The following SNAPC3 variants were observed in gnomAD, a reference collection of about 807,000 sequenced individuals.
SNAPC3 encodes the protein small nuclear RNA activating complex polypeptide 3, also known as snRNA-activating protein complex subunit 3.
Under a neutral mutation model 47.7 loss-of-function variants are expected in SNAPC3, and 56 were observed. The observed-to-expected ratio is 1.18, with a 90% CI of 0.95 to 1.47. The LOEUF is 1.47. Among genes scored for constraint, SNAPC3 ranks in the 40% most tolerant of loss-of-function variants. The pLI, the probability that SNAPC3 is intolerant of heterozygous loss-of-function variation, is 0.00. For missense variants in SNAPC3, 665 were observed against 511.3 expected, an observed-to-expected ratio of 1.30 and a Z score of -2.90; for synonymous variants, 235 against 189.9, an observed-to-expected ratio of 1.24 and a Z score of -1.95.
chr9:15,447,329 G>A, intron 5 of SNAPC3, 85 bp downstream of exon 5: 1 of 1,231,322 alleles, frequency 8.1e-7, no homozygotes, highest in Non-Finnish European at 1.2e-6. Context: ...AAATGTCCCA[G>A]TAAATCCTTT....
chr9:15,436,708 A>T (rs773722274), intron 3 of SNAPC3, among the ~76,000 whole-genome samples: 3 of 152,124 alleles, frequency 2.0e-5, no homozygotes, highest in Non-Finnish European at 4.4e-5. Flanking sequence ...TAGGGATTGC[A>T]TTGAACCTGT....
intron 3 of SNAPC3, among the ~76,000 whole-genome samples, chr9:15,435,230 T>C (rs2032646177): frequency 6.6e-6 from 1 of 152,234 alleles, no homozygotes; most frequent in African/African-American, 2.4e-5. Context: ...AAAGATCTAT[T>C]AAAATATTTT....
intron 4 of SNAPC3, among the ~76,000 whole-genome samples, chr9:15,445,933 C>T (rs557093720): frequency 2.5e-3 from 373 of 152,242 alleles, no homozygotes; most frequent in African/African-American, 8.8e-3. Context: ...GAGACTGTCC[C>T]TCACCGCCAC....
chr9:15,456,783 T>C (rs565351290), intron 7 of SNAPC3, among the ~76,000 whole-genome samples: 7 of 152,188 alleles, frequency 4.6e-5, no homozygotes, highest in Non-Finnish European at 1.0e-4. Flanking sequence ...TTTTTTTAAA[T>C]GGTTTACATT....
At chr9:15,447,429 T>G (rs2034029199) in intron 5 of SNAPC3, among the ~76,000 whole-genome samples, 185 bp downstream of exon 5, 1 of 152,220 alleles carries the variant, frequency 6.6e-6, no homozygotes. Flanking sequence ...AGACTCTGTT[T>G]TGATTTCTTC....
chr9:15,429,800 A>G (rs966082794), intron 2 of SNAPC3, among the ~76,000 whole-genome samples: 17 of 152,244 alleles, frequency 1.1e-4, no homozygotes, highest in African/African-American at 4.1e-4. Context: ...CTATTAAAAA[A>G]GGATTTTCAA....
chr9:15,433,250 CCTGGATAGGAAT>C (rs1236764632), intron 2 of SNAPC3, among the ~76,000 whole-genome samples: 1 of 150,244 alleles, frequency 6.7e-6, no homozygotes, highest in Admixed American at 6.6e-5. Flanking sequence ...CATGTGGGAT[CCTGGATAGGAAT>C]CTGGAACAGA....
chr9:15,424,297 A>G (rs946363672), intron 2 of SNAPC3, among the ~76,000 whole-genome samples: 1 of 152,226 alleles, frequency 6.6e-6, no homozygotes, highest in Non-Finnish European at 1.5e-5. Context: ...AAAACCGTAA[A>G]TACATAATCT....
In SNAPC3 at chr9:15,441,184, C is replaced by T. The variant is rs563261397; in HGVS notation, c.478-3418C>T. Among the ~76,000 whole-genome samples the T allele has an allele frequency of 6.6e-3, 193 of 29,054 alleles. 1 individual carries two copies. Among genetic ancestry groups the T allele is most frequent in the African/African-American group, 0.036 (155 of 4,302 alleles). 19.1% of individuals were successfully genotyped at this position (29,054 alleles called of 152,430 possible). A position where few individuals can be genotyped will look rare whatever the true frequency, so the allele number is the denominator to read the frequency against. ...AGCACATTTAAGTCAGTTGCTGTAA[C>T]GTCTTTTTTTTTTATTTAACGTTAT... On this transcript the variant is annotated intron_variant, in intron 3 of 8. Coordinates refer to ENST00000380821, the MANE Select transcript of SNAPC3 (RefSeq NM_001039697.2).
At chr9:15,449,869 A>G (rs2034263668) in intron 5 of SNAPC3, among the ~76,000 whole-genome samples, 2 of 151,928 alleles carry the variant, frequency 1.3e-5, no homozygotes, top group African/African-American at 4.8e-5. Flanking sequence ...GAAGTTTATT[A>G]GTGGATGACT....
chr9:15,458,099 A>C (rs1206965539), intron 8 of SNAPC3, 32 bp downstream of exon 8: 1 of 1,094,224 alleles, frequency 9.1e-7, no homozygotes, highest in Non-Finnish European at 1.3e-6. Context: ...TTTTTCTCTG[A>C]GAAATGGCAG....
intron 5 of SNAPC3, among the ~76,000 whole-genome samples, chr9:15,450,178 A>G (rs979884534): frequency 2.6e-5 from 4 of 152,170 alleles, no homozygotes; most frequent in African/African-American, 9.7e-5. Context: ...CATAATCTCC[A>G]TAACAACCTA....
In SNAPC3 at chr9:15,422,972, G is replaced by A. The variant is rs768246668; in HGVS notation, c.93G>A (p.Glu31=). ...VSGSGGCNFP[E]YELPELNTRA... ...GCAGTGGCGGCTGCAACTTTCCAGAGTATGAGCTTCCCGAGCTAAATACGC... is the reference window on the plus strand; with the variant it reads ...GCAGTGGCGGCTGCAACTTTCCAGAATATGAGCTTCCCGAGCTAAATACGC... The change falls in exon 1 of 9, where the codon GAG becomes GAA. Residue 31 remains glutamate, a synonymous_variant. Transcript: ENST00000380821. 3 of 1,541,088 alleles carry A rather than the reference G, an allele frequency of 1.9e-6. No homozygotes were observed. Among genetic ancestry groups the A allele is most frequent in the African/African-American group, 1.4e-5 (1 of 70,808 alleles).
At chr9:15,431,336 C>G (rs2032117574) in intron 2 of SNAPC3, among the ~76,000 whole-genome samples, 1 of 152,200 alleles carries the variant, frequency 6.6e-6, no homozygotes, top group Admixed American at 6.5e-5. Context: ...TGCGCTCTTT[C>G]TCAGCCCTAG....
intron 4 of SNAPC3, among the ~76,000 whole-genome samples, chr9:15,445,520 C>G (rs1454698248): frequency 6.6e-6 from 1 of 151,980 alleles, no homozygotes; most frequent in African/African-American, 2.4e-5. Flanking sequence ...ATTCTTGATT[C>G]CTTAAATAGA....
intron 2 of SNAPC3, among the ~76,000 whole-genome samples, chr9:15,429,645 A>G (rs2031886393): frequency 6.6e-6 from 1 of 152,326 alleles, no homozygotes. Flanking sequence ...CAATAATAGA[A>G]ATATCAACTC....
chr9:15,451,527 C>T, intron 6 of SNAPC3, 125 bp downstream of exon 6: 2 of 462,602 alleles, frequency 4.3e-6, no homozygotes, highest in South Asian at 9.6e-5. Context: ...TAAATCTTGT[C>T]TTTTGCATTA....
chr9:15,461,979 T>C (rs1477239139), downstream of SNAPC3: 1 of 152,222 alleles, frequency 6.6e-6, no homozygotes, highest in Non-Finnish European at 1.5e-5. Flanking sequence ...AAATGAATGA[T>C]TTACCCAACC....
chr9:15,438,127 G>A (rs1217900213), intron 3 of SNAPC3, among the ~76,000 whole-genome samples: 1 of 152,154 alleles, frequency 6.6e-6, no homozygotes, highest in Non-Finnish European at 1.5e-5. Context: ...TCTTTGTTGG[G>A]AGGTTTTTCA....
Sources: allele counts gnomAD v4.1 joint callset (sites outside exome capture counted in the v4.1 genomes callset), GRCh38; gene constraint gnomAD v4.1.1; transcripts MANE v1.5; gene names NCBI Gene and HGNC (gene_info 2026-07-23, HGNC 2026-07-21).